The following CEP170 variants were observed in gnomAD, a reference collection of about 807,000 sequenced individuals.
CEP170 encodes the protein centrosomal protein of 170 kDa.
Under a neutral mutation model 151.9 loss-of-function variants are expected in CEP170, and 21 were observed. The ratio of observed to expected loss-of-function variants is 0.14; its 90% CI spans 0.10 to 0.20. CEP170 has a LOEUF of 0.20. Among genes scored for constraint, CEP170 ranks in the 10% least tolerant of loss-of-function variants. CEP170 has a pLI of 1.00. For synonymous variants in CEP170, 356 were observed against 648.8 expected (o/e 0.55, Z 6.86); for missense variants, 964 against 1,892.9 (o/e 0.51, Z 9.11).
Position 243,225,986 on chromosome 1 carries a change from T to G in CEP170, c.-41-665A>C, listed in dbSNP as rs185479665. ...CAATACATATCTATCTATCTATCTATATATATACACGTATATATATCTAGA... is the reference window on the plus strand; with the variant it reads ...CAATACATATCTATCTATCTATCTAGATATATACACGTATATATATCTAGA... On this transcript the variant is annotated intron_variant, in intron 1 of 19. Coordinates refer to ENST00000366542, the MANE Select transcript of CEP170 (RefSeq NM_014812.3). Among the ~76,000 whole-genome samples, 1,281 of 145,854 alleles carry G rather than the reference T, an allele frequency of 8.8e-3. 18 individuals are homozygous for G. Among genetic ancestry groups the G allele is most frequent in the African/African-American group, 0.032 (1,205 of 37,632 alleles).
chr1:243,165,198 G>C lies in CEP170; in HGVS notation c.2762C>G (p.Pro921Arg). Reference sequence around the variant, plus strand: ...AATAGAATTGTCTCTATTATAACTGGGAGTATCTGGTCCTTCATCAGTTTT... The same window carrying C: ...AATAGAATTGTCTCTATTATAACTGCGAGTATCTGGTCCTTCATCAGTTTT... ...DNKTDEGPDT[P>R]SYNRDNSISP... Residue 921 changes from proline (P) to arginine (R), a missense_variant, in exon 13 of 20, where the codon CCC becomes CGC. Transcript: ENST00000366542. 6.2e-7 allele frequency: 1 copy of C among 1,613,484 alleles called. No individual in the cohort carries two copies. The highest frequency in any genetic ancestry group is 1.1e-5 in the South Asian group (1 of 91,054).
chr1:243,169,160 A>T (rs936746862), intron 12 of CEP170: 2 of 156,226 alleles, frequency 1.3e-5, no homozygotes, highest in African/African-American at 4.8e-5. Context: ...TATCAGAAAG[A>T]GTAGGAAGAA....
At chr1:243,247,225 A>G (rs537921447) in intron 1 of CEP170, among the ~76,000 whole-genome samples, 7 of 151,864 alleles carry the variant, frequency 4.6e-5, no homozygotes, top group East Asian at 1.9e-4. Flanking sequence ...TGGCCTAGGG[A>G]AAAAAAAAGT....
intron 1 of CEP170, among the ~76,000 whole-genome samples, chr1:243,251,143 A>G (rs116101700): frequency 0.015 from 2,271 of 152,332 alleles, 66 homozygotes; most frequent in African/African-American, 0.053. Context: ...AGCAGCTACT[A>G]GCTCAATTTA....
At chr1:243,213,887 A>C (rs2062029891) in intron 3 of CEP170, among the ~76,000 whole-genome samples, 1 of 152,040 alleles carries the variant, frequency 6.6e-6, no homozygotes, top group Admixed American at 6.5e-5. Flanking sequence ...TAATTTTTAA[A>C]TTTTTTGTAG....
At chr1:243,200,907 T>C in intron 4 of CEP170, 72 bp from the exon 5 acceptor site, 1 of 1,529,884 alleles carries the variant, frequency 6.5e-7, no homozygotes, top group South Asian at 1.2e-5. Context: ...TCAAATGTAA[T>C]TTAGAAATTG....
rs1389896065 is a variant in CEP170, at chr1:243,126,207, C to T, written c.*242G>A. The T allele has an allele frequency of 8.3e-6, 5 of 602,770 alleles. No homozygotes were observed. The highest frequency in any genetic ancestry group is 1.6e-5 in the Non-Finnish European group (5 of 321,932). The allele number at this position is 602,770 out of a possible 1,614,324, so 37.3% of individuals were successfully genotyped here. On this transcript the variant is annotated 3_prime_UTR_variant, in exon 20 of 20. Transcript: ENST00000366542. ...AAATTCAATTTGAAAATCATAAAAC[C>T]ACAAAAGGCGACACTGCCACAATCT...
upstream of CEP170, chr1:243,255,366 G>A (rs1342054519): frequency 6.5e-6 from 1 of 153,010 alleles, no homozygotes; most frequent in Non-Finnish European, 1.5e-5. Flanking sequence ...ATGAAAAGGG[G>A]TTGTGCGAGG....
At chr1:243,129,297 G>A in intron 18 of CEP170, 63 bp downstream of exon 18, 3 of 1,338,474 alleles carry the variant, frequency 2.2e-6, no homozygotes, top group Admixed American at 3.2e-5. Flanking sequence ...TCAAAAATAA[G>A]GGTCTTTTCC....
intron 10 of CEP170, among the ~76,000 whole-genome samples, chr1:243,173,427 A>G (rs1291306790): frequency 1.3e-5 from 2 of 151,624 alleles, no homozygotes; most frequent in Non-Finnish European, 2.9e-5. Context: ...TATTCAAGAC[A>G]TATTTTATTT....
At chr1:243,157,257 C>T (rs1246998126) in intron 13 of CEP170, among the ~76,000 whole-genome samples, 2 of 152,190 alleles carry the variant, frequency 1.3e-5, no homozygotes, top group African/African-American at 4.8e-5. Flanking sequence ...TTCTTATTTA[C>T]AGTTAGTAAA....
In CEP170 at chr1:243,215,209, G is replaced by C. The variant is rs1317346167; in HGVS notation, c.196-3245C>G. ...TAAGCTGAGGATGTATGTCGCCTCAGGACCCTGTGATGATTGTGTTAACTG... is the reference window on the plus strand; with the variant it reads ...TAAGCTGAGGATGTATGTCGCCTCACGACCCTGTGATGATTGTGTTAACTG... On this transcript the variant is annotated intron_variant, in intron 3 of 19. Coordinates refer to ENST00000366542, the MANE Select transcript of CEP170 (RefSeq NM_014812.3). Among the ~76,000 whole-genome samples the C allele has an allele frequency of 2.0e-5, 3 of 152,050 alleles. No homozygotes were observed. In the East Asian group the frequency reaches 5.8e-4, roughly 29 times the overall value.
chr1:243,178,594 G>A (rs1018895301), intron 10 of CEP170, among the ~76,000 whole-genome samples: 30 of 152,106 alleles, frequency 2.0e-4, no homozygotes, highest in Non-Finnish European at 3.4e-4. Context: ...AGATAGTGCT[G>A]ATGGTTGTAC....
intron 2 of CEP170, among the ~76,000 whole-genome samples, chr1:243,222,805 T>C (rs1164287027): frequency 6.6e-6 from 1 of 152,150 alleles, no homozygotes; most frequent in East Asian, 1.9e-4. Context: ...ATTACCACCC[T>C]GAAAAGTAGA....
intron 18 of CEP170, chr1:243,128,608 C>T (rs2053992200): frequency 4.3e-6 from 1 of 234,126 alleles, no homozygotes; most frequent in Non-Finnish European, 8.2e-6. Context: ...ACTCTGTCGC[C>T]CAGACTGGAG....
chr1:243,159,274 T>C (rs1018825273), intron 13 of CEP170, among the ~76,000 whole-genome samples: 16 of 152,004 alleles, frequency 1.1e-4, no homozygotes, highest in African/African-American at 3.4e-4. Flanking sequence ...TGGGATGCTA[T>C]GAAGAAAAGC....
At chr1:243,196,045 G>A (rs10926964) in intron 7 of CEP170, among the ~76,000 whole-genome samples, 61,042 of 151,924 alleles carry the variant, frequency 0.4, 13,397 homozygotes, top group Admixed American at 0.5. Context: ...CACAAGCTGA[G>A]AATTCAGTTA....
chr1:243,223,005 ACTTTG>A (rs970870119), intron 2 of CEP170, among the ~76,000 whole-genome samples: 79 of 152,338 alleles, frequency 5.2e-4, no homozygotes, highest in African/African-American at 1.8e-3. Flanking sequence ...TGTTTTCATT[ACTTTG>A]AATTTTTATT....
At chr1:243,236,631 T>C (rs990791516) in intron 1 of CEP170, among the ~76,000 whole-genome samples, 1 of 152,166 alleles carries the variant, frequency 6.6e-6, no homozygotes, top group Non-Finnish European at 1.5e-5. Context: ...AACTGGGGTA[T>C]AGCATGGATT....
Sources: allele counts gnomAD v4.1 joint callset (sites outside exome capture counted in the v4.1 genomes callset), GRCh38; gene constraint gnomAD v4.1.1; transcripts MANE v1.5; gene names NCBI Gene and HGNC (gene_info 2026-07-23, HGNC 2026-07-21).